NR3C1: variants seen among roughly 807,000 people sequenced by gnomAD.
The protein encoded by NR3C1 is nuclear receptor subfamily 3 group C member 1, also known as glucocorticoid receptor.
NR3C1 carries 14 observed loss-of-function variants against 74.0 expected under a neutral mutation model. The ratio of observed to expected loss-of-function variants is 0.19; its 90% CI spans 0.12 to 0.30. The LOEUF (loss-of-function observed/expected upper bound fraction) is 0.30. Ranked by LOEUF, NR3C1 falls within the 10% of genes least tolerant of loss-of-function variation. NR3C1 has a pLI of 1.00. For synonymous variants in NR3C1, 308 were observed against 332.5 expected (o/e 0.93, Z 0.80); for missense variants, 695 against 909.8 (o/e 0.76, Z 3.04).
chr5:143,294,796 A>G (rs1458283730), intron 7 of NR3C1: 2 of 410,346 alleles, frequency 4.9e-6, no homozygotes, highest in African/African-American at 4.3e-5. Context: ...ACGTCCCTCC[A>G]TGTGTTTTCA....
intron 2 of NR3C1, among the ~76,000 whole-genome samples, chr5:143,370,186 T>C (rs569343382): frequency 6.6e-6 from 1 of 152,270 alleles, no homozygotes; most frequent in South Asian, 2.1e-4. Flanking sequence ...CTGCTACCTA[T>C]TCAAAAATAA....
At chr5:143,412,256 CAA>C (rs1183186653) in intron 1 of NR3C1, among the ~76,000 whole-genome samples, 2 of 119,730 alleles carry the variant, frequency 1.7e-5, no homozygotes, top group Non-Finnish European at 3.2e-5. Context: ...CGAATTGCCT[CAA>C]AGTGCAGGGG....
chr5:143,430,237 AAT>A (rs1352270979), intron 1 of NR3C1, among the ~76,000 whole-genome samples: 4 of 152,222 alleles, frequency 2.6e-5, no homozygotes, highest in African/African-American at 9.6e-5. Context: ...TTTATTTTAA[AAT>A]ATCTTTATGA....
intron 3 of NR3C1, 39 bp downstream of exon 3, chr5:143,313,963 C>A: frequency 6.2e-7 from 1 of 1,608,162 alleles, no homozygotes. Context: ...AAATGAAAAC[C>A]AAGTAGAGGA....
chr5:143,412,197 T>C (rs1249010466), intron 1 of NR3C1, among the ~76,000 whole-genome samples: 4 of 145,518 alleles, frequency 2.7e-5, no homozygotes, highest in Non-Finnish European at 5.9e-5. Context: ...TCAAGGTAAA[T>C]ATCTTTATAT....
At chr5:143,310,925 G>T (rs1479264443) in intron 3 of NR3C1, among the ~76,000 whole-genome samples, 3 of 152,170 alleles carry the variant, frequency 2.0e-5, no homozygotes, top group African/African-American at 4.8e-5. Flanking sequence ...CGATGTGCTG[G>T]GATTACAGGC....
chr5:143,398,611 C>A lies in NR3C1; in HGVS notation c.1184+1045G>T, dbSNP rs116378642. Among the ~76,000 whole-genome samples, 664 of 152,010 alleles carry A rather than the reference C, an allele frequency of 4.4e-3. 2 individuals are homozygous for A. Among genetic ancestry groups the A allele is most frequent in the African/African-American group, 0.015 (632 of 41,484 alleles). Reference sequence around the variant, plus strand: ...TTACATACAAATAAATCACTGTCTACCATGTCTTCTTTTAAAAAAACCCGC... The same window carrying A: ...TTACATACAAATAAATCACTGTCTAACATGTCTTCTTTTAAAAAAACCCGC... On this transcript the variant is annotated intron_variant, in intron 2 of 8. Transcript: ENST00000394464.
At chr5:143,364,560 T>G (rs1195984330) in intron 2 of NR3C1, among the ~76,000 whole-genome samples, 1 of 152,214 alleles carries the variant, frequency 6.6e-6, no homozygotes, top group East Asian at 1.9e-4. Context: ...CTAAGCAATA[T>G]TTTTAAATCT....
chr5:143,420,776 C>G (rs1464602297), intron 1 of NR3C1, among the ~76,000 whole-genome samples: 1 of 152,088 alleles, frequency 6.6e-6, no homozygotes, highest in African/African-American at 2.4e-5. Flanking sequence ...CTAGATGTAA[C>G]CCAGTCACTG....
At chr5:143,309,993 AC>A in intron 4 of NR3C1, 103 bp downstream of exon 4, 1 of 874,396 alleles carries the variant, frequency 1.1e-6, no homozygotes, top group Admixed American at 1.8e-5. Context: ...TATATACTGA[AC>A]TGACTACATT....
intron 2 of NR3C1, among the ~76,000 whole-genome samples, chr5:143,333,753 C>A (rs556243446): frequency 1.3e-5 from 2 of 151,898 alleles, no homozygotes; most frequent in Admixed American, 6.6e-5. Context: ...GGCGACAGAG[C>A]GAGACTCCAT....
At chr5:143,391,113 C>A (rs1403106077) in intron 2 of NR3C1, among the ~76,000 whole-genome samples, 1 of 152,112 alleles carries the variant, frequency 6.6e-6, no homozygotes, top group Non-Finnish European at 1.5e-5. Context: ...TTCCAGATGA[C>A]AAATTTCACA....
chr5:143,293,519 G>A (rs1293744228), intron 7 of NR3C1, among the ~76,000 whole-genome samples: 3 of 152,048 alleles, frequency 2.0e-5, no homozygotes, highest in Non-Finnish European at 1.5e-5. Context: ...AAAACCTATT[G>A]AAATCATTTT....
At chr5:143,304,269 A>G (rs776380423) in intron 4 of NR3C1, among the ~76,000 whole-genome samples, 1 of 152,156 alleles carries the variant, frequency 6.6e-6, no homozygotes, top group Non-Finnish European at 1.5e-5. Flanking sequence ...TACACCAGTA[A>G]TGTTCAAGCT....
chr5:143,295,823 AT>A (rs965404302), intron 6 of NR3C1, among the ~76,000 whole-genome samples: 1 of 152,160 alleles, frequency 6.6e-6, no homozygotes, highest in Non-Finnish European at 1.5e-5. Context: ...TGGAGATATT[AT>A]TTTCTATCAT....
intron 7 of NR3C1, among the ~76,000 whole-genome samples, chr5:143,287,491 A>C (rs897608215): frequency 1.3e-5 from 2 of 152,166 alleles, no homozygotes; most frequent in Admixed American, 6.6e-5. Flanking sequence ...TTCTGAATAG[A>C]TCTATATAAC....
At chr5:143,404,181 G>T, upstream of NR3C1, 22 of 985,538 alleles carry the variant, frequency 2.2e-5, no homozygotes, top group Non-Finnish European at 2.7e-5. Context: ...GCCTCCCGCG[G>T]CTGAGCTGCG....
At chr5:143,389,397 C>T (rs1022311358) in intron 2 of NR3C1, among the ~76,000 whole-genome samples, 3 of 152,160 alleles carry the variant, frequency 2.0e-5, no homozygotes, top group Non-Finnish European at 2.9e-5. Context: ...AACATAATAA[C>T]GTAGCTAGGT....
exon 1 of NR3C1, chr5:143,435,132 T>C: frequency 2.0e-6 from 2 of 985,440 alleles, no homozygotes; most frequent in Non-Finnish European, 2.4e-6. Flanking sequence ...GAAAACTAAA[T>C]GAATGCGTGC....
Sources: allele counts gnomAD v4.1 joint callset (sites outside exome capture counted in the v4.1 genomes callset), GRCh38; gene constraint gnomAD v4.1.1; transcripts MANE v1.5; gene names NCBI Gene and HGNC (gene_info 2026-07-23, HGNC 2026-07-21).